The following ANKRD18A variants were observed in gnomAD, a reference collection of about 807,000 sequenced individuals.
The protein encoded by ANKRD18A is ankyrin repeat domain 18A, also known as ankyrin repeat domain-containing protein 18A.
Under a neutral mutation model 110.6 loss-of-function variants are expected in ANKRD18A, and 72 were observed. The ratio of observed to expected loss-of-function variants is 0.65; its 90% CI spans 0.54 to 0.79. ANKRD18A has a LOEUF of 0.79. ANKRD18A is among the 30% of genes least tolerant of loss of function. ANKRD18A has a pLI of 0.00. For missense variants in ANKRD18A, 934 were observed against 1,163.3 expected (o/e 0.80, Z 2.87); for synonymous variants, 305 against 410.3 (o/e 0.74, Z 3.10).
Position 38,602,858 on chromosome 9 carries a change from C to T in ANKRD18A, c.862+301G>A, listed in dbSNP as rs141060478. 5.2e-3 allele frequency among the ~76,000 whole-genome samples: 799 copies of T among 152,254 alleles called. 7 individuals carry two copies. The highest frequency in any genetic ancestry group is 8.1e-3 in the Non-Finnish European group (554 of 68,012). On this transcript the variant is annotated intron_variant, in intron 7 of 15. Transcript: ENST00000399703. ...GTTACAGTTTTTGAAAAAATAGTCA[C>T]GGGGTCTGGCGATGTTGCCCAGGCT...
At chr9:38,570,018 A>T (rs1823582006), downstream of ANKRD18A, among the ~76,000 whole-genome samples, 1 of 152,200 alleles carries the variant, frequency 6.6e-6, no homozygotes, top group East Asian at 1.9e-4. Flanking sequence ...ATGGAGGCAA[A>T]GAGGCTCCAC....
At chr9:38,569,297 G>A (rs1173990331), downstream of ANKRD18A, 1 of 962,914 alleles carries the variant, frequency 1.0e-6, no homozygotes, top group Non-Finnish European at 1.2e-6. Context: ...CACCTGGTGA[G>A]TGCTCAGGGA....
In ANKRD18A at chr9:38,571,572, C is replaced by T. The variant is rs1457432367; in HGVS notation, c.*473G>A. On this transcript the variant is annotated 3_prime_UTR_variant, in exon 16 of 16. Transcript: ENST00000399703. ...TACTATTGAGCTACAAGAAGAAAAC[C>T]GTAACACTAGTATGGACAAACCTGG... is the stretch of plus-strand genomic sequence containing the variant. The T allele has an allele frequency of 2.0e-6, 2 of 1,003,436 alleles. No individual in the cohort carries two copies. The highest frequency in any genetic ancestry group is 2.4e-6 in the Non-Finnish European group (2 of 839,718). 62.2% of individuals were successfully genotyped at this position (1,003,436 alleles called of 1,614,324 possible).
chr9:38,611,465 C>G, intron 3 of ANKRD18A, 144 bp from the exon 4 acceptor site: 2 of 1,423,778 alleles, frequency 1.4e-6, no homozygotes, highest in Non-Finnish European at 1.8e-6. Context: ...TTTCACTCCT[C>G]TGTGCTTTCC....
downstream of ANKRD18A, chr9:38,566,939 C>T (rs1438983554): frequency 6.6e-6 from 1 of 152,148 alleles, no homozygotes; most frequent in African/African-American, 2.4e-5. Flanking sequence ...GACCAGGATC[C>T]ACCTTCAACG....
chr9:38,603,534 T>C, intron 6 of ANKRD18A, among the ~76,000 whole-genome samples: 1 of 152,166 alleles, frequency 6.6e-6, no homozygotes, highest in Admixed American at 6.5e-5. Context: ...GAGAGTACAG[T>C]CATGCCTATT....
chr9:38,595,933 A>C lies in ANKRD18A; in HGVS notation c.1407T>G (p.Asn469Lys), dbSNP rs777992111. 4 of 1,550,862 alleles carry C rather than the reference A, an allele frequency of 2.6e-6. No homozygotes were observed. Among genetic ancestry groups the C allele is most frequent in the Non-Finnish European group, 3.5e-6 (4 of 1,146,610 alleles). ...TATGGACCTGTTCAGTAAGCAACTC[A>C]TTCTTATCTGTTAGTTGAGAAATAT... is the stretch of plus-strand genomic sequence containing the variant. ...GSNISQLTDK[N>K]ELLTEQVHKA... The change falls in exon 9 of 16, where the codon AAT becomes AAG. Residue 469 changes from asparagine to lysine, a missense_variant. Transcript: ENST00000399703.
At chr9:38,603,847 C>A (rs567797358) in intron 6 of ANKRD18A, among the ~76,000 whole-genome samples, 2 of 152,316 alleles carry the variant, frequency 1.3e-5, no homozygotes, top group South Asian at 4.1e-4. Flanking sequence ...CTTGTTGTTT[C>A]TTGCTGGAGA....
rs563003398 is a variant in ANKRD18A at position 38,584,039 on chromosome 9, G to A, written c.2247+2144C>T. On this transcript the variant is annotated intron_variant, in intron 12 of 15. Transcript: ENST00000399703. ...ACCAGGAATTCACGCCTTATGCAGAGGAGGAGCCTGGCCTCTTCAGCTCCT... is the reference window on the plus strand; with the variant it reads ...ACCAGGAATTCACGCCTTATGCAGAAGAGGAGCCTGGCCTCTTCAGCTCCT... 1.4e-4 allele frequency among the ~76,000 whole-genome samples: 22 copies of A among 152,354 alleles called. 1 individual carries two copies. In the South Asian group the frequency reaches 4.4e-3, roughly 30 times the overall value.
intron 8 of ANKRD18A, among the ~76,000 whole-genome samples, chr9:38,599,939 T>G (rs1448403071): frequency 6.6e-6 from 1 of 152,232 alleles, no homozygotes; most frequent in Non-Finnish European, 1.5e-5. Context: ...AAATTAACTT[T>G]ATTCTAAATT....
Position 38,571,984 on chromosome 9 carries a change from C to G in ANKRD18A, c.*61G>C. ...TTTTCCTTAAGATTTTATGGTTAATCTCTTCATTAGATGTGGCTTACCAGT... is the reference window on the plus strand; with the variant it reads ...TTTTCCTTAAGATTTTATGGTTAATGTCTTCATTAGATGTGGCTTACCAGT... On this transcript the variant is annotated 3_prime_UTR_variant, in exon 16 of 16. Transcript: ENST00000399703. 1 of 1,471,108 alleles carries G rather than the reference C, an allele frequency of 6.8e-7. No homozygotes were observed. Among genetic ancestry groups the G allele is most frequent in the South Asian group, 1.3e-5 (1 of 78,952 alleles). The allele number at this position is 1,471,108 out of a possible 1,614,324, so 91.1% of individuals were successfully genotyped here.
intron 6 of ANKRD18A, among the ~76,000 whole-genome samples, chr9:38,605,584 T>A (rs1046897546): frequency 2.0e-5 from 3 of 152,192 alleles, no homozygotes; most frequent in Admixed American, 1.3e-4. Context: ...TATTGGAACA[T>A]TTATTATGAT....
intron 8 of ANKRD18A, among the ~76,000 whole-genome samples, chr9:38,598,008 G>A (rs1824960833): frequency 6.6e-6 from 1 of 152,116 alleles, no homozygotes; most frequent in Admixed American, 6.6e-5. Flanking sequence ...GGAATTATAA[G>A]TTTAAACAGT....
chr9:38,586,556 T>G (rs947983938), intron 11 of ANKRD18A, among the ~76,000 whole-genome samples: 16 of 150,608 alleles, frequency 1.1e-4, no homozygotes, highest in African/African-American at 2.4e-4. Context: ...AGTTTTTGGT[T>G]TTTTTTTTGT....
intron 4 of ANKRD18A, 56 bp from the exon 5 acceptor site, chr9:38,610,466 G>T (rs1825563941): frequency 1.3e-6 from 2 of 1,504,104 alleles, no homozygotes; most frequent in Non-Finnish European, 1.8e-6. Flanking sequence ...TATTTAATTA[G>T]CAAATTGGAT....
chr9:38,571,902 A>C lies in ANKRD18A; in HGVS notation c.*143T>G. 1 of 1,405,162 alleles carries C rather than the reference A, an allele frequency of 7.1e-7. No individual in the cohort carries two copies. The highest frequency in any genetic ancestry group is 9.3e-7 in the Non-Finnish European group (1 of 1,071,250). 87.0% of individuals were successfully genotyped at this position (1,405,162 alleles called of 1,614,324 possible). On this transcript the variant is annotated 3_prime_UTR_variant, in exon 16 of 16. Transcript: ENST00000399703. ...GTTTTATATTATATGAGAAACAATT[A>C]AAATTTCATGTAAATAGCCCAGTAA...
chr9:38,596,484 T>G (rs1824888136), intron 8 of ANKRD18A, 81 bp from the exon 9 acceptor site: 7 of 1,206,030 alleles, frequency 5.8e-6, no homozygotes, highest in Non-Finnish European at 7.7e-6. Flanking sequence ...AAGAGCAATC[T>G]ATACATTCAT....
In ANKRD18A at chr9:38,620,105, A is replaced by C; in HGVS notation, c.181T>G (p.Leu61Val). 1 of 1,557,520 alleles carries C rather than the reference A, an allele frequency of 6.4e-7. No homozygotes were observed. Among genetic ancestry groups the C allele is most frequent in the Non-Finnish European group, 8.7e-7 (1 of 1,150,516 alleles). The part of the protein sequence containing the change: ...ERCLTRRFRD[L>V]DARDRKDRTV... ...CTGTCTTTTCTGTCGCGGGCGTCCA[A>C]GTCCCGGAACCTGCGCGTCAGGCAG... Residue 61 changes from leucine to valine, a missense_variant, in exon 1 of 16, where the codon TTG (leucine) becomes GTG (valine). Leu to Val is a conservative substitution (Grantham distance 32, BLOSUM62 1). Coordinates refer to ENST00000399703, the MANE Select transcript of ANKRD18A (RefSeq NM_147195.4).
chr9:38,610,225 T>C, intron 5 of ANKRD18A, 48 bp downstream of exon 5: 1 of 1,463,098 alleles, frequency 6.8e-7, no homozygotes. Flanking sequence ...TTACAATTAT[T>C]TTAAACCTTA....
Sources: gnomAD v4.1 joint callset for allele counts (sites outside exome capture counted in the v4.1 genomes callset) on GRCh38, gnomAD v4.1.1 for gene constraint, MANE v1.5 for transcripts, NCBI Gene and HGNC (gene_info 2026-07-23, HGNC 2026-07-21) for gene names.